The following DIDO1 variants were observed in gnomAD, a reference collection of about 807,000 sequenced individuals.
The protein encoded by DIDO1 is death inducer-obliterator 1, also known as death-inducer obliterator 1.
A neutral mutation model predicts 99.4 loss-of-function variants in DIDO1; 16 were observed. That is an observed-to-expected ratio of 0.16 (90% confidence interval 0.11 to 0.24). The LOEUF (loss-of-function observed/expected upper bound fraction) is 0.24, where lower values mean the gene tolerates loss of function less well. Ranked by LOEUF, DIDO1 falls within the 10% of genes least tolerant of loss-of-function variation. The pLI is 1.00. For synonymous variants in DIDO1, 1,366 were observed against 1,239.1 expected (o/e 1.10, Z -2.15); for missense variants, 2,996 against 3,014.0 (o/e 0.99, Z 0.14).
Position 62,879,625 on chromosome 20 carries a change from C to T in DIDO1, c.6331G>A (p.Glu2111Lys). The change falls in exon 16 of 16, where the codon GAG becomes AAG. Residue 2111 changes from glutamate to lysine, a missense_variant. Coordinates refer to ENST00000395343, the MANE Select transcript of DIDO1 (RefSeq NM_001193369.2). This position sits in a 1 kb window ranked among gnomAD's most constrained non-coding sequence, Gnocchi z 6.3. Reference sequence around the variant, plus strand: ...CGCTCGCGCTCTCTCCTCCTGTCCTCGGACGCCCGGCCCTGGGCGTCGGGC... The same window carrying T: ...CGCTCGCGCTCTCTCCTCCTGTCCTTGGACGCCCGGCCCTGGGCGTCGGGC... ...EEPDAQGRAS[E>K]DRRRERERGR... 3 of 1,605,394 alleles carry T rather than the reference C, an allele frequency of 1.9e-6. No homozygotes were observed. Among genetic ancestry groups the T allele is most frequent in the Non-Finnish European group, 2.5e-6 (3 of 1,179,748 alleles).
chr20:62,926,428 T>G lies in DIDO1; in HGVS notation c.-200+11A>C. 1 of 145,176 alleles carries G rather than the reference T, an allele frequency of 6.9e-6. No individual in the cohort carries two copies. Among genetic ancestry groups the G allele is most frequent in the East Asian group, 2.1e-4 (1 of 4,710 alleles). The allele number at this position is 145,176 out of a possible 1,614,324, so 9.0% of individuals were successfully genotyped here. A position where few individuals can be genotyped will look rare whatever the true frequency, so the allele number is the denominator to read the frequency against. On this transcript the variant is annotated intron_variant, in intron 1 of 15. Coordinates refer to ENST00000395343, the MANE Select transcript of DIDO1 (RefSeq NM_001193369.2). ...TTCTACCCGGCGCCCGGGACGCCAC[T>G]TACCGCAGGCCGCAGGCCTCTAGGG...
intron 1 of DIDO1, among the ~76,000 whole-genome samples, chr20:62,917,607 C>T (rs1220643514): frequency 1.3e-5 from 2 of 152,194 alleles, no homozygotes; most frequent in African/African-American, 2.4e-5. Flanking sequence ...TCCCCTAGGG[C>T]TGTGCGTGGA....
Position 62,896,117 on chromosome 20 carries a change from A to T in DIDO1, c.2214+116T>A. 1 of 1,160,144 alleles carries T rather than the reference A, an allele frequency of 8.6e-7. No individual in the cohort carries two copies. The highest frequency in any genetic ancestry group is 1.2e-6 in the Non-Finnish European group (1 of 821,068). The allele number at this position is 1,160,144 out of a possible 1,614,324, so 71.9% of individuals were successfully genotyped here. On this transcript the variant is annotated intron_variant, in intron 8 of 15. Transcript: ENST00000395343. This position sits in a 1 kb window ranked among gnomAD's most constrained non-coding sequence, Gnocchi z 4.4. ...GGCGGCAGAAGGATCACAGAGGAGA[A>T]AGAAACGTCTTAGCTTTCCTGGAAA...
rs1475697389 is a variant in DIDO1 at position 62,910,858 on chromosome 20, C to T, written c.755G>A (p.Gly252Glu). The change falls in exon 3 of 16, where the codon GGA becomes GAA. Residue 252 changes from glycine (G) to glutamate (E), a missense_variant. This residue lies in a region of DIDO1 where 388 missense variants were observed against 376.6 expected (regional missense o/e 1.03). Coordinates refer to ENST00000395343, the MANE Select transcript of DIDO1 (RefSeq NM_001193369.2). ...TTCAGGCTTCGGTCGGCCCAAGTCT[C>T]CAGGCTCCTCATCTTTGATGTCCTG... ...AAQDIKDEEP[G>E]DLGRPKPECE... The T allele has an allele frequency of 2.5e-6, 4 of 1,614,076 alleles. No homozygotes were observed. Among genetic ancestry groups the T allele is most frequent in the South Asian group, 2.2e-5 (2 of 91,086 alleles).
At chr20:62,907,117 T>C in intron 5 of DIDO1, 30 bp downstream of exon 5, 2 of 1,611,920 alleles carry the variant, frequency 1.2e-6, no homozygotes, top group Non-Finnish European at 1.7e-6. Flanking sequence ...GTGCGTCCAC[T>C]GCCTGGGCGG....
At chr20:62,899,887 C>G (rs1215950219) in intron 6 of DIDO1, among the ~76,000 whole-genome samples, 1 of 152,250 alleles carries the variant, frequency 6.6e-6, no homozygotes, top group Non-Finnish European at 1.5e-5. Context: ...CCAGGTGGGA[C>G]AGCATGGCTG....
Position 62,878,150 on chromosome 20 carries a change from C to A in DIDO1, c.*1083G>T, listed in dbSNP as rs903646679. 2.6e-5 allele frequency: 4 copies of A among 152,184 alleles called. No individual in the cohort carries two copies. The highest frequency in any genetic ancestry group is 7.2e-5 in the African/African-American group (3 of 41,428). 9.4% of individuals were successfully genotyped at this position (152,184 alleles called of 1,614,324 possible). A position where few individuals can be genotyped will look rare whatever the true frequency, so the allele number is the denominator to read the frequency against. Reference sequence around the variant, plus strand: ...CAAGTGAAGTTCTTTAATTTTACATCTGTAAAAGTTTATGAAAATATAAAA... The same window carrying A: ...CAAGTGAAGTTCTTTAATTTTACATATGTAAAAGTTTATGAAAATATAAAA... On this transcript the variant is annotated 3_prime_UTR_variant, in exon 16 of 16. Transcript: ENST00000395343.
Position 62,879,324 on chromosome 20 carries a change from C to A in DIDO1, c.6632G>T (p.Arg2211Leu), listed in dbSNP as rs867209441. 1 of 1,564,224 alleles carries A rather than the reference C, an allele frequency of 6.4e-7. No homozygotes were observed. The change falls in exon 16 of 16, where the codon CGC becomes CTC. Residue 2211 changes from arginine to leucine, a missense_variant. Coordinates refer to ENST00000395343, the MANE Select transcript of DIDO1 (RefSeq NM_001193369.2). The surrounding 1 kb of genome is among the most constrained non-coding windows in gnomAD (Gnocchi z 6.3). ...CTCTTTGCTCTTGCTCCGGTCCTTG[C>A]GGTCGCGGCCCCGCTCCCTGTCCCT... is the stretch of plus-strand genomic sequence containing the variant. ...KARDRERGRD[R>L]KDRSKSKESA...
rs777872676 is a variant in DIDO1, at chr20:62,880,762, C to A, written c.5194G>T (p.Gly1732Cys). 3 of 1,612,624 alleles carry A rather than the reference C, an allele frequency of 1.9e-6. No individual in the cohort carries two copies. Among genetic ancestry groups the A allele is most frequent in the Non-Finnish European group, 2.5e-6 (3 of 1,179,922 alleles). The change falls in exon 16 of 16, where the codon GGC becomes TGC. Residue 1732 changes from glycine to cysteine, a missense_variant. Around this residue, in one of 5 missense-constraint regions of DIDO1, gnomAD observed 1,562 missense variants for 1,412.6 expected, o/e 1.11. Transcript: ENST00000395343. ...CCTGGTGGGGGGAGCGGGGCGGTGC[C>A]CTCGCCGGGTCTGGCCTGTGGCTCT... Reference protein sequence around the residue: ...DREPQARPGEGTAPLPPPGQK... With the variant: ...DREPQARPGECTAPLPPPGQK...
chr20:62,922,211 C>CATAT (rs201568138), intron 1 of DIDO1, among the ~76,000 whole-genome samples: 9 of 90,996 alleles, frequency 9.9e-5, no homozygotes, highest in African/African-American at 2.1e-4. Flanking sequence ...TATATATGTA[C>CATAT]ATATATATAC....
In DIDO1 at chr20:62,904,887, A is replaced by C. The variant is rs149834375; in HGVS notation, c.1588+1000T>G. The C allele has an allele frequency of 3.7e-4, 275 of 746,150 alleles. 8 individuals are homozygous for C. The East Asian group carries it at 0.025, about 69-fold the overall frequency. 46.2% of individuals were successfully genotyped at this position (746,150 alleles called of 1,614,324 possible). A position where few individuals can be genotyped will look rare whatever the true frequency, so the allele number is the denominator to read the frequency against. ...GTGCCTTCCCTTAGGGAATCTGCTCAAAGTCTGACGACGGGAAAGTGGGGC... is the reference window on the plus strand; with the variant it reads ...GTGCCTTCCCTTAGGGAATCTGCTCCAAGTCTGACGACGGGAAAGTGGGGC... On this transcript the variant is annotated intron_variant, in intron 6 of 15. Transcript: ENST00000395343.
rs1223613275 is a variant in DIDO1, at chr20:62,911,075, G to A, written c.538C>T (p.Pro180Ser). The A allele has an allele frequency of 2.5e-6, 4 of 1,613,800 alleles. No individual in the cohort carries two copies. The highest frequency in any genetic ancestry group is 2.2e-5 in the East Asian group (1 of 44,868). The stretch of plus-strand genomic sequence containing the variant: ...AGGCGACTCTGGATCCCTTTCAGGG[G>A]CCTCTCAGTGGGCTCCTGTTCCCGC... The part of the protein sequence containing the change: ...RKREQEPTER[P>S]LKGIQSRLRK... The change falls in exon 3 of 16, where the codon CCC (proline) becomes TCC (serine). Residue 180 changes from proline (P) to serine (S), a missense_variant. Around this residue, in one of 5 missense-constraint regions of DIDO1, gnomAD observed 388 missense variants for 376.6 expected, o/e 1.03. Transcript: ENST00000395343. The surrounding 1 kb of genome is among the most constrained non-coding windows in gnomAD (Gnocchi z 7.0).
intron 6 of DIDO1, among the ~76,000 whole-genome samples, chr20:62,902,354 T>C (rs887316981): frequency 3.9e-5 from 6 of 152,206 alleles, no homozygotes; most frequent in Admixed American, 3.3e-4. Flanking sequence ...TCAAGCTATA[T>C]TCTTTCTCAG....
rs935472623 is a variant in DIDO1 at position 62,911,382 on chromosome 20, G to A, written c.231C>T (p.Phe77=). The stretch of plus-strand genomic sequence containing the variant: ...TGCCGCGGCGCCGCGCAATGGTCAG[G>A]AACTGCTCCACGCGCTCAGTGCGCT... ...QPKRTERVEQ[F]LTIARRRGRR... is the part of the protein sequence containing the mutation. The change falls in exon 3 of 16, where the codon TTC becomes TTT. Residue 77 remains phenylalanine, a synonymous_variant. Coordinates refer to ENST00000395343, the MANE Select transcript of DIDO1 (RefSeq NM_001193369.2). The surrounding 1 kb of genome is among the most constrained non-coding windows in gnomAD (Gnocchi z 7.0). 1 of 1,612,250 alleles carries A rather than the reference G, an allele frequency of 6.2e-7. No individual in the cohort carries two copies. The highest frequency in any genetic ancestry group is 1.3e-5 in the African/African-American group (1 of 75,060).
chr20:62,910,738 C>T, intron 3 of DIDO1, 36 bp downstream of exon 3: 1 of 1,586,396 alleles, frequency 6.3e-7, no homozygotes. Context: ...CTGTTTGCAA[C>T]CCTGGGATTT....
chr20:62,892,752 A>G, intron 13 of DIDO1, 57 bp downstream of exon 13: 1 of 1,555,686 alleles, frequency 6.4e-7, no homozygotes, highest in South Asian at 1.2e-5. Context: ...GTTTGACTCT[A>G]GTTTAGAAAC....
At chr20:62,923,194 T>C (rs2065189242) in intron 1 of DIDO1, among the ~76,000 whole-genome samples, 1 of 151,970 alleles carries the variant, frequency 6.6e-6, no homozygotes, top group South Asian at 2.1e-4. Flanking sequence ...TATTTTTTTT[T>C]TGAGACAGAG....
At position 62,877,998 on chromosome 20, in the gene DIDO1, G is replaced by A. The variant is rs542192415; in HGVS notation, c.*1235C>T. On this transcript the variant is annotated 3_prime_UTR_variant, in exon 16 of 16. Coordinates refer to ENST00000395343, the MANE Select transcript of DIDO1 (RefSeq NM_001193369.2). Reference sequence around the variant, plus strand: ...CTACTTTAATGTAATTTAACCTATGGACACTTGGCTTTCAACACCAAACAT... The same window carrying A: ...CTACTTTAATGTAATTTAACCTATGAACACTTGGCTTTCAACACCAAACAT... 1 of 152,202 alleles carries A rather than the reference G, an allele frequency of 6.6e-6. No homozygotes were observed. The highest frequency in any genetic ancestry group is 6.5e-5 in the Admixed American group (1 of 15,292). The allele number at this position is 152,202 out of a possible 1,614,324, so 9.4% of individuals were successfully genotyped here.
chr20:62,920,125 A>C (rs2065109048), intron 1 of DIDO1, among the ~76,000 whole-genome samples: 1 of 152,166 alleles, frequency 6.6e-6, no homozygotes, highest in African/African-American at 2.4e-5. Context: ...ACCACAATGC[A>C]CAGGTTCTTA....
Sources: allele counts gnomAD v4.1 joint callset (sites outside exome capture counted in the v4.1 genomes callset), GRCh38; gene constraint gnomAD v4.1.1; regional missense constraint gnomAD v4.1.1; non-coding constraint Gnocchi (gnomAD v3.1); transcripts MANE v1.5; gene names NCBI Gene and HGNC (gene_info 2026-07-23, HGNC 2026-07-21).